FGGY: variants seen among roughly 807,000 people sequenced by gnomAD.
FGGY encodes the protein FGGY carbohydrate kinase domain-containing protein.
Under a neutral mutation model 71.3 loss-of-function variants are expected in FGGY, and 72 were observed. That is an observed-to-expected ratio of 1.01 (90% confidence interval 0.84 to 1.23). The LOEUF (loss-of-function observed/expected upper bound fraction) is 1.23. FGGY is among the 50% of genes most tolerant of loss of function. FGGY has a pLI of 0.00. For synonymous variants in FGGY, 251 were observed against 250.3 expected (o/e 1.00, Z -0.02); for missense variants, 668 against 682.3 (o/e 0.98, Z 0.23).
At chr1:59,331,304 G>A (rs1031379307) in intron 2 of FGGY, among the ~76,000 whole-genome samples, 2 of 152,144 alleles carry the variant, frequency 1.3e-5, no homozygotes, top group Non-Finnish European at 2.9e-5. Flanking sequence ...CCTAAGCTGG[G>A]ATGCTACGTA....
intron 8 of FGGY, among the ~76,000 whole-genome samples, chr1:59,571,117 G>A (rs2095978098): frequency 6.6e-6 from 1 of 152,162 alleles, no homozygotes; most frequent in Admixed American, 6.5e-5. Flanking sequence ...TGCTTAATAT[G>A]TACTCTGTGT....
intron 8 of FGGY, among the ~76,000 whole-genome samples, chr1:59,601,107 T>TA (rs2096573383): frequency 6.7e-6 from 1 of 150,232 alleles, no homozygotes; most frequent in African/African-American, 2.5e-5. Flanking sequence ...ACCATGGAAA[T>TA]ACCCGGTCCC....
chr1:59,584,333 G>C (rs563213024), intron 8 of FGGY, among the ~76,000 whole-genome samples: 3 of 150,042 alleles, frequency 2.0e-5, no homozygotes, highest in African/African-American at 7.5e-5. Flanking sequence ...GATCAAGTGG[G>C]CTTCATCCCT....
At chr1:59,326,090 AG>A (rs544016328) in intron 2 of FGGY, among the ~76,000 whole-genome samples, 48 of 152,376 alleles carry the variant, frequency 3.2e-4, no homozygotes, top group African/African-American at 1.1e-3. Context: ...CTTAGGAAGA[AG>A]GAGAAGATAA....
intron 7 of FGGY, among the ~76,000 whole-genome samples, chr1:59,537,870 G>A (rs539624065): frequency 1.1e-4 from 17 of 152,246 alleles, no homozygotes; most frequent in Non-Finnish European, 1.5e-4. Flanking sequence ...AGACTTAAAC[G>A]TTAGACCTAA....
chr1:59,667,391 G>A lies in FGGY; in HGVS notation c.1405G>A (p.Ala469Thr). 1 of 1,614,134 alleles carries A rather than the reference G, an allele frequency of 6.2e-7. No individual in the cohort carries two copies. The highest frequency in any genetic ancestry group is 8.5e-7 in the Non-Finnish European group (1 of 1,179,998). ...GAATCCCCTTTTTGTGCAAATGCAT[G>A]CGGACATTACTGGTAAGTCTGGGAA... ...SKNPLFVQMH[A>T]DITGMPVVLS... Residue 469 changes from alanine to threonine, a missense_variant, in exon 13 of 16, where the codon GCG (alanine) becomes ACG (threonine). Ala to Thr is a moderately conservative substitution (Grantham distance 58). Transcript: ENST00000303721.
chr1:59,542,185 TC>T (rs1483971286), intron 7 of FGGY, among the ~76,000 whole-genome samples: 1 of 152,166 alleles, frequency 6.6e-6, no homozygotes, highest in Non-Finnish European at 1.5e-5. Context: ...TTGTTTGTCC[TC>T]TCTTGAAGCC....
In FGGY at chr1:59,742,792, T is replaced by C. The variant is rs115929687; in HGVS notation, c.1513-15139T>C. On this transcript the variant is annotated intron_variant, in intron 14 of 15. Coordinates refer to ENST00000303721, the MANE Select transcript of FGGY (RefSeq NM_018291.5). ...ACTCTGTCTTTCTGCTCCACATCAGTCTCTCATGGTGTCTTTCTAAATTAC... is the reference window on the plus strand; with the variant it reads ...ACTCTGTCTTTCTGCTCCACATCAGCCTCTCATGGTGTCTTTCTAAATTAC... Among the ~76,000 whole-genome samples the C allele has an allele frequency of 7.0e-3, 1,059 of 152,320 alleles. 10 individuals carry two copies. The highest frequency in any genetic ancestry group is 0.024 in the African/African-American group (987 of 41,570).
Position 59,481,719 on chromosome 1 carries a change from A to T in FGGY, c.670+24643A>T, listed in dbSNP as rs547948965. Among the ~76,000 whole-genome samples, 935 of 152,204 alleles carry T rather than the reference A, an allele frequency of 6.1e-3. 5 individuals carry two copies. The highest frequency in any genetic ancestry group is 0.01 in the Non-Finnish European group (694 of 68,012). On this transcript the variant is annotated intron_variant, in intron 6 of 15. Coordinates refer to ENST00000303721, the MANE Select transcript of FGGY (RefSeq NM_018291.5). ...TTTAACTGAGACATACCGTTGTACA[A>T]TGTCATTATTTTAGGTATTGTATTT...
chr1:59,560,158 A>T (rs1472729118), intron 8 of FGGY, among the ~76,000 whole-genome samples: 1 of 152,222 alleles, frequency 6.6e-6, no homozygotes, highest in Non-Finnish European at 1.5e-5. Context: ...TGAAAATGAC[A>T]CTTTGTCTCT....
chr1:59,692,765 CTAAT>C (rs2097604169), intron 14 of FGGY, among the ~76,000 whole-genome samples: 1 of 152,146 alleles, frequency 6.6e-6, no homozygotes, highest in African/African-American at 2.4e-5. Flanking sequence ...AACAGGAAGT[CTAAT>C]TGATGGCAGA....
chr1:59,677,131 C>T (rs1028636094), intron 14 of FGGY, among the ~76,000 whole-genome samples: 5 of 152,316 alleles, frequency 3.3e-5, no homozygotes, highest in African/African-American at 1.2e-4. Flanking sequence ...TTGCTCCCCT[C>T]CAAAGAAGAG....
At chr1:59,428,911 G>T (rs2066855900) in intron 5 of FGGY, among the ~76,000 whole-genome samples, 1 of 152,166 alleles carries the variant, frequency 6.6e-6, no homozygotes, top group Admixed American at 6.5e-5. Context: ...CTGTTCTGTT[G>T]TCCAGAACTT....
In FGGY at chr1:59,680,206, C is replaced by G. The variant is rs117149119; in HGVS notation, c.1512+6073C>G. Among the ~76,000 whole-genome samples the G allele has an allele frequency of 1.1e-3, 171 of 151,566 alleles. 1 individual carries two copies. In the East Asian group the frequency reaches 0.029, roughly 26 times the overall value. ...TATTATCAGCTTTTTTTTTTAGTAG[C>G]CTTTTGCCCTTTGCTGCTTAAGCAT... On this transcript the variant is annotated intron_variant, in intron 14 of 15. Coordinates refer to ENST00000303721, the MANE Select transcript of FGGY (RefSeq NM_018291.5).
At chr1:59,707,639 C>T (rs1413878825) in intron 14 of FGGY, among the ~76,000 whole-genome samples, 2 of 152,206 alleles carry the variant, frequency 1.3e-5, no homozygotes, top group Non-Finnish European at 2.9e-5. Context: ...CCACTGTATT[C>T]CTTCTGTTTG....
chr1:59,341,082 TACATTGATAC>T (rs1157787602), intron 3 of FGGY, among the ~76,000 whole-genome samples: 2 of 152,170 alleles, frequency 1.3e-5, no homozygotes, highest in African/African-American at 2.4e-5. Context: ...GGTAGTAGGG[TACATTGATAC>T]ACAGTGGAAT....
intron 1 of FGGY, among the ~76,000 whole-genome samples, chr1:59,299,231 A>G (rs1174290500): frequency 6.6e-6 from 1 of 152,120 alleles, no homozygotes; most frequent in East Asian, 1.9e-4. Flanking sequence ...GCAGAACTAC[A>G]CAAGCATGGC....
At chr1:59,695,972 A>G (rs910066847) in intron 14 of FGGY, among the ~76,000 whole-genome samples, 4 of 152,184 alleles carry the variant, frequency 2.6e-5, no homozygotes, top group African/African-American at 9.7e-5. Context: ...CTTTCTAACC[A>G]TATGTCAGTC....
At chr1:59,551,743 G>A (rs187775330) in intron 7 of FGGY, among the ~76,000 whole-genome samples, 74 of 152,122 alleles carry the variant, frequency 4.9e-4, no homozygotes, top group African/African-American at 1.7e-3. Context: ...TCTAAGCTTC[G>A]ATTTTCTTAT....
Sources: gnomAD v4.1 joint callset for allele counts (sites outside exome capture counted in the v4.1 genomes callset) on GRCh38, gnomAD v4.1.1 for gene constraint, MANE v1.5 for transcripts, NCBI Gene and HGNC (gene_info 2026-07-23, HGNC 2026-07-21) for gene names.